IL1RAPL2: variants seen among roughly 807,000 people sequenced by gnomAD.
IL1RAPL2 encodes X-linked interleukin-1 receptor accessory protein-like 2.
A neutral mutation model predicts 44.1 loss-of-function variants in IL1RAPL2; 3 were observed. That is an observed-to-expected ratio of 0.07 (90% confidence interval 0.03 to 0.18). The LOEUF (loss-of-function observed/expected upper bound fraction) is 0.18, where lower values mean the gene tolerates loss of function less well. Among genes scored for constraint, IL1RAPL2 ranks in the 10% least tolerant of loss-of-function variants. The pLI is 1.00. For missense variants in IL1RAPL2, 391 were observed against 496.4 expected, an observed-to-expected ratio of 0.79 and a Z score of 2.02; for synonymous variants, 181 against 178.8, an observed-to-expected ratio of 1.01 and a Z score of -0.10.
At chrX:104,779,356 T>G (rs1323877335) in intron 2 of IL1RAPL2, among the ~76,000 whole-genome samples, 1 of 111,635 alleles carries the variant, frequency 9.0e-6, no homozygotes, top group African/African-American at 3.3e-5. Flanking sequence ...TGCATCGTCT[T>G]CCAGGTACAA....
At chrX:105,693,745 T>A (rs73245796) in intron 6 of IL1RAPL2, among the ~76,000 whole-genome samples, 2,190 of 110,689 alleles carry the variant, frequency 0.02, 22 homozygotes, top group Non-Finnish European at 0.03. Context: ...AGGATCAGAG[T>A]CATAAAAGGA....
In IL1RAPL2 at chrX:105,767,045, G is replaced by A. The variant is rs771077075; in HGVS notation, c.1445G>A (p.Arg482Gln). The A allele has an allele frequency of 8.3e-7, 1 of 1,205,606 alleles. No individual in the cohort carries two copies. The highest frequency in any genetic ancestry group is 1.8e-5 in the South Asian group (1 of 56,832). ...CTAACTCCAGACTATATTCTCAGAC[G>A]GGGATGGAGTATTTTCGAACTGGAA... ...IVLTPDYILR[R>Q]GWSIFELESR... Residue 482 changes from arginine (R) to glutamine (Q), a missense_variant, in exon 11 of 11, where the codon CGG becomes CAG. By Grantham distance (43) the Arg-to-Gln change is conservative. Coordinates refer to ENST00000372582, the MANE Select transcript of IL1RAPL2 (RefSeq NM_017416.2).
chrX:105,323,747 G>A (rs993409060), intron 5 of IL1RAPL2, among the ~76,000 whole-genome samples: 1 of 110,355 alleles, frequency 9.1e-6, no homozygotes, highest in African/African-American at 3.3e-5. Context: ...GTGGTGGTGG[G>A]TACCTGTAAT....
chrX:104,919,800 C>T (rs1036406895), intron 2 of IL1RAPL2, among the ~76,000 whole-genome samples: 3 of 109,066 alleles, frequency 2.8e-5, no homozygotes, highest in African/African-American at 6.7e-5. Flanking sequence ...CTCGACCTCC[C>T]AATGTGCTGG....
chrX:105,066,951 A>C (rs1804815135), intron 2 of IL1RAPL2, among the ~76,000 whole-genome samples: 1 of 111,595 alleles, frequency 9.0e-6, no homozygotes, highest in Admixed American at 9.6e-5. Context: ...TAAGAATTTT[A>C]GACTTCGGTT....
intron 2 of IL1RAPL2, among the ~76,000 whole-genome samples, chrX:104,682,634 C>G (rs186637955): frequency 9.0e-6 from 1 of 111,426 alleles, no homozygotes; most frequent in Admixed American, 9.5e-5. Context: ...TGAGTCAGGG[C>G]CTAATAAATA....
At chrX:105,458,525 A>G (rs2036071929) in intron 5 of IL1RAPL2, among the ~76,000 whole-genome samples, 1 of 112,072 alleles carries the variant, frequency 8.9e-6, no homozygotes, top group Non-Finnish European at 1.9e-5. Flanking sequence ...TCATTACCTC[A>G]AAAAGAAATC....
intron 5 of IL1RAPL2, among the ~76,000 whole-genome samples, chrX:105,414,150 CAG>C (rs1472561345): frequency 9.1e-6 from 1 of 109,753 alleles, no homozygotes; most frequent in Non-Finnish European, 1.9e-5. Context: ...TTTTTTGAGA[CAG>C]AGTCTCGCTG....
At chrX:104,963,918 CGT>C (rs1188666209) in intron 2 of IL1RAPL2, among the ~76,000 whole-genome samples, 33 of 89,216 alleles carry the variant, frequency 3.7e-4, no homozygotes, top group African/African-American at 1.0e-3. Flanking sequence ...ATAGGATGTG[CGT>C]GTGTGTGTGT....
chrX:105,261,970 C>T (rs1420360312), intron 4 of IL1RAPL2, among the ~76,000 whole-genome samples: 1 of 111,765 alleles, frequency 8.9e-6, no homozygotes, highest in African/African-American at 3.3e-5. Context: ...AGGGCTAGAG[C>T]TGGCTTTTTT....
intron 6 of IL1RAPL2, among the ~76,000 whole-genome samples, chrX:105,547,717 C>T (rs1355749751): frequency 8.9e-6 from 1 of 112,354 alleles, no homozygotes; most frequent in Non-Finnish European, 1.9e-5. Flanking sequence ...TTTCAAACTT[C>T]AGATGGTGGG....
chrX:105,016,011 C>G (rs893427974), intron 2 of IL1RAPL2, among the ~76,000 whole-genome samples: 13 of 111,397 alleles, frequency 1.2e-4, no homozygotes, highest in African/African-American at 4.2e-4. Context: ...TGTAATTCTC[C>G]TTGAAGAGGT....
At chrX:104,959,937 G>T (rs1314367070) in intron 2 of IL1RAPL2, among the ~76,000 whole-genome samples, 1 of 111,586 alleles carries the variant, frequency 9.0e-6, no homozygotes, top group Non-Finnish European at 1.9e-5. Context: ...TTGAAATGTT[G>T]TATGATCATT....
intron 2 of IL1RAPL2, among the ~76,000 whole-genome samples, chrX:104,946,190 G>A (rs1222290662): frequency 9.8e-6 from 1 of 101,673 alleles, no homozygotes; most frequent in Non-Finnish European, 2.0e-5. Flanking sequence ...GGCTAACAAG[G>A]TGAAACCCCG....
intron 2 of IL1RAPL2, among the ~76,000 whole-genome samples, chrX:105,112,639 G>C (rs1442821677): frequency 3.6e-5 from 4 of 112,558 alleles, no homozygotes; most frequent in African/African-American, 9.7e-5. Context: ...CTGAATATAC[G>C]TATCAGCTTA....
chrX:105,114,894 G>A (rs746088349), intron 2 of IL1RAPL2, among the ~76,000 whole-genome samples: 1 of 111,751 alleles, frequency 8.9e-6, no homozygotes, highest in African/African-American at 3.3e-5. Flanking sequence ...CTTATTAACA[G>A]CTAGGATTAG....
At chrX:104,776,029 C>T (rs995505455) in intron 2 of IL1RAPL2, among the ~76,000 whole-genome samples, 2 of 111,815 alleles carry the variant, frequency 1.8e-5, no homozygotes, top group African/African-American at 6.5e-5. Flanking sequence ...GACTTGGGAG[C>T]AAGAGTCATT....
intron 2 of IL1RAPL2, among the ~76,000 whole-genome samples, chrX:104,742,216 T>A (rs958589098): frequency 8.9e-6 from 1 of 111,761 alleles, no homozygotes; most frequent in African/African-American, 3.2e-5. Flanking sequence ...GTCAACTACT[T>A]TTTCAAAAAC....
chrX:105,605,303 C>T (rs2147824287), intron 6 of IL1RAPL2, among the ~76,000 whole-genome samples: 1 of 111,106 alleles, frequency 9.0e-6, no homozygotes, highest in Non-Finnish European at 1.9e-5. Context: ...TTTCTATACA[C>T]CAATAATGAA....
Sources: gnomAD v4.1 joint callset for allele counts (sites outside exome capture counted in the v4.1 genomes callset) on GRCh38, gnomAD v4.1.1 for gene constraint, MANE v1.5 for transcripts, NCBI Gene and HGNC (gene_info 2026-07-23, HGNC 2026-07-21) for gene names.